SLC10A1: variants seen among roughly 807,000 people sequenced by gnomAD.
SLC10A1 encodes hepatic sodium/bile acid cotransporter.
In SLC10A1, 36 loss-of-function variants were observed where a neutral mutation model predicts 20.5. That is an observed-to-expected ratio of 1.75 (90% confidence interval 1.34 to 2.32). SLC10A1 has a LOEUF of 2.32. Ranked by LOEUF, SLC10A1 falls within the 30% of genes most tolerant of loss-of-function variation. The pLI is 0.00. For missense variants in SLC10A1, 545 were observed against 439.1 expected (o/e 1.24, Z -2.16); for synonymous variants, 188 against 163.6 (o/e 1.15, Z -1.14).
At chr14:69,776,474 T>C (rs1345755906) in intron 4 of SLC10A1, 86 bp from the exon 5 acceptor site, 3 of 1,044,056 alleles carry the variant, frequency 2.9e-6, no homozygotes, top group East Asian at 4.8e-5. Context: ...AGTACAAAAA[T>C]ACCAACTCAG....
chr14:69,782,906 A>G (rs1318549223), intron 2 of SLC10A1, among the ~76,000 whole-genome samples: 1 of 152,054 alleles, frequency 6.6e-6, no homozygotes, highest in Non-Finnish European at 1.5e-5. Context: ...ATGTTCTCAC[A>G]TCAGTTGTCA....
chr14:69,780,670 T>C (rs1883570133), intron 2 of SLC10A1, among the ~76,000 whole-genome samples: 1 of 152,214 alleles, frequency 6.6e-6, no homozygotes, highest in Non-Finnish European at 1.5e-5. Context: ...TATGATCATA[T>C]AAAACATCAC....
chr14:69,786,391 T>G, intron 1 of SLC10A1, 84 bp from the exon 2 acceptor site: 5 of 1,069,820 alleles, frequency 4.7e-6, no homozygotes, highest in Non-Finnish European at 7.1e-6. Context: ...AGTGCCACTG[T>G]GCTAAGTGCT....
chr14:69,780,086 AAG>A (rs1257980051), intron 2 of SLC10A1, among the ~76,000 whole-genome samples: 1 of 152,242 alleles, frequency 6.6e-6, no homozygotes, highest in Non-Finnish European at 1.5e-5. Flanking sequence ...GTCTAATAAT[AAG>A]GGGACAAACC....
chr14:69,793,319 T>A (rs1566638907), intron 1 of SLC10A1, among the ~76,000 whole-genome samples: 1 of 152,168 alleles, frequency 6.6e-6, no homozygotes, highest in Non-Finnish European at 1.5e-5. Context: ...GTTGTGATCC[T>A]TGGTTTACCC....
At chr14:69,787,082 A>G (rs1027563468) in intron 1 of SLC10A1, among the ~76,000 whole-genome samples, 4 of 152,240 alleles carry the variant, frequency 2.6e-5, no homozygotes, top group Admixed American at 1.3e-4. Flanking sequence ...GTAAGTGACA[A>G]GATAACCTGG....
chr14:69,781,560 A>G (rs1159851541), intron 2 of SLC10A1, among the ~76,000 whole-genome samples: 1 of 152,236 alleles, frequency 6.6e-6, no homozygotes, highest in Non-Finnish European at 1.5e-5. Context: ...CAATAGCCAC[A>G]AGTTGGCAGA....
At chr14:69,791,480 T>TG (rs1303102013) in intron 1 of SLC10A1, among the ~76,000 whole-genome samples, 4 of 152,096 alleles carry the variant, frequency 2.6e-5, no homozygotes, top group African/African-American at 9.7e-5. Flanking sequence ...TTTTGTATTT[T>TG]TAGGAGAGAC....
chr14:69,790,953 G>A (rs1883824141), intron 1 of SLC10A1, among the ~76,000 whole-genome samples: 1 of 152,000 alleles, frequency 6.6e-6, no homozygotes, highest in African/African-American at 2.4e-5. Context: ...GCATCAGTCA[G>A]TCAATCAATT....
chr14:69,785,090 G>T (rs901004532), intron 2 of SLC10A1, among the ~76,000 whole-genome samples: 4 of 152,250 alleles, frequency 2.6e-5, no homozygotes, highest in Admixed American at 1.3e-4. Flanking sequence ...GGTACAGGAG[G>T]TCAGGAGGTC....
chr14:69,779,633 G>C (rs1248205256), intron 2 of SLC10A1, among the ~76,000 whole-genome samples: 1 of 152,138 alleles, frequency 6.6e-6, no homozygotes, highest in Non-Finnish European at 1.5e-5. Context: ...CCAAAGTGCT[G>C]GGATTACAGG....
chr14:69,780,577 C>T (rs889855612), intron 2 of SLC10A1, among the ~76,000 whole-genome samples: 1 of 152,144 alleles, frequency 6.6e-6, no homozygotes, highest in African/African-American at 2.4e-5. Context: ...TTCATAATGT[C>T]CTAACGACAT....
intron 1 of SLC10A1, among the ~76,000 whole-genome samples, chr14:69,792,833 CAAAAAAA>C (rs4646288): frequency 8.2e-6 from 1 of 122,234 alleles, no homozygotes; most frequent in Non-Finnish European, 1.8e-5. Context: ...GCCTATTTCT[CAAAAAAA>C]AAAAAAAAAA....
intron 2 of SLC10A1, among the ~76,000 whole-genome samples, chr14:69,785,165 G>A (rs1358336586): frequency 3.9e-5 from 6 of 152,160 alleles, no homozygotes; most frequent in Admixed American, 3.9e-4. Flanking sequence ...CCAAGGGGGA[G>A]GCTGGCAGGG....
intron 2 of SLC10A1, among the ~76,000 whole-genome samples, 174 bp from the exon 3 acceptor site, chr14:69,779,534 A>T (rs577057697): frequency 6.6e-6 from 1 of 152,290 alleles, no homozygotes; most frequent in South Asian, 2.1e-4. Context: ...AAATTTTTTT[A>T]AAATTATTAA....
chr14:69,791,044 T>C (rs1041677836), intron 1 of SLC10A1, among the ~76,000 whole-genome samples: 2 of 152,040 alleles, frequency 1.3e-5, no homozygotes, highest in African/African-American at 2.4e-5. Flanking sequence ...AAAATACTTA[T>C]ACATCTAAAG....
intron 2 of SLC10A1, among the ~76,000 whole-genome samples, chr14:69,785,590 T>C (rs866393865): frequency 6.7e-6 from 1 of 149,768 alleles, no homozygotes; most frequent in Non-Finnish European, 1.5e-5. Flanking sequence ...TTCTTTCTTT[T>C]CTTTTTTTTT....
intron 1 of SLC10A1, among the ~76,000 whole-genome samples, chr14:69,794,694 G>A (rs1882352410): frequency 6.6e-6 from 1 of 152,248 alleles, no homozygotes; most frequent in African/African-American, 2.4e-5. Flanking sequence ...TCTGAGACAT[G>A]GTTTAATGTG....
At position 69,789,085 on chromosome 14, in the gene SLC10A1, G is replaced by GA. The variant is rs200722666; in HGVS notation, c.357-2779dup. On this transcript the variant is annotated intron_variant, in intron 1 of 4. Transcript: ENST00000216540. ...AATAACAAGTGTTGGAGGGTATATG[G>GA]AAAATTAGGAATCCTCATACACTGG... 9.4e-3 allele frequency among the ~76,000 whole-genome samples: 1,426 copies of GA among 152,332 alleles called. 20 individuals carry two copies. Among genetic ancestry groups the GA allele is most frequent in the African/African-American group, 0.031 (1,280 of 41,586 alleles).
Sources: allele counts gnomAD v4.1 joint callset (sites outside exome capture counted in the v4.1 genomes callset), GRCh38; gene constraint gnomAD v4.1.1; transcripts MANE v1.5; gene names NCBI Gene and HGNC (gene_info 2026-07-23, HGNC 2026-07-21).